Variants in LYRM4 observed in about 807,000 individuals in gnomAD.
LYRM4 encodes the protein LYR motif containing 4.
Under a neutral mutation model 11.7 loss-of-function variants are expected in LYRM4, and 9 were observed. That is an observed-to-expected ratio of 0.77 (90% CI 0.46 to 1.34). The LOEUF is 1.34. Ranked by LOEUF, LYRM4 falls within the 40% of genes most tolerant of loss-of-function variation. LYRM4 has a pLI of 0.00. For missense variants in LYRM4, 133 were observed against 112.5 expected, an observed-to-expected ratio of 1.18 and a Z score of -0.82; for synonymous variants, 42 against 40.4, an observed-to-expected ratio of 1.04 and a Z score of -0.15.
intron 2 of LYRM4, among the ~76,000 whole-genome samples, chr6:5,190,417 G>A (rs1033251540): frequency 4.6e-5 from 7 of 152,142 alleles, no homozygotes; most frequent in African/African-American, 1.4e-4. Context: ...TAGTAACACC[G>A]TATCTGTTCT....
At chr6:5,236,211 TC>T (rs1763528564) in intron 1 of LYRM4, 1 of 152,220 alleles carries the variant, frequency 6.6e-6, no homozygotes, top group Admixed American at 6.5e-5. Flanking sequence ...ATGCCTGTAA[TC>T]CCAGCACCTT....
chr6:5,227,983 C>T (rs1581553358), intron 1 of LYRM4, among the ~76,000 whole-genome samples: 2 of 151,926 alleles, frequency 1.3e-5, no homozygotes, highest in Non-Finnish European at 2.9e-5. Context: ...GGACCTGTTG[C>T]GGGGTGGGGG....
intron 1 of LYRM4, among the ~76,000 whole-genome samples, chr6:5,243,927 A>T (rs886930817): frequency 6.6e-6 from 1 of 152,248 alleles, no homozygotes; most frequent in African/African-American, 2.4e-5. Context: ...ATAATCTGAG[A>T]TGTCTCAATA....
chr6:5,255,500 C>CT (rs68013961), intron 1 of LYRM4, among the ~76,000 whole-genome samples: 3 of 151,248 alleles, frequency 2.0e-5, no homozygotes, highest in South Asian at 4.2e-4. Context: ...TTTTTAAAAG[C>CT]TTTTTTTTTC....
the LYRM4 span, among the ~76,000 whole-genome samples, chr6:5,060,623 G>T: frequency 3.3e-5 from 5 of 152,024 alleles, no homozygotes; most frequent in African/African-American, 1.2e-4. Context: ...TGCCTCTCGG[G>T]TTCAAGTTAT....
intron 1 of LYRM4, among the ~76,000 whole-genome samples, chr6:5,225,435 G>A (rs34786113): frequency 3.3e-5 from 5 of 151,884 alleles, no homozygotes; most frequent in African/African-American, 4.8e-5. Flanking sequence ...AAATCTCTAC[G>A]TGTACATTTT....
the LYRM4 span, among the ~76,000 whole-genome samples, chr6:5,094,476 C>A: frequency 6.6e-6 from 1 of 152,112 alleles, no homozygotes; most frequent in Non-Finnish European, 1.5e-5. Context: ...AGAGTGAGAT[C>A]CTATTTCTTA....
intron 1 of LYRM4, among the ~76,000 whole-genome samples, chr6:5,244,152 T>C (rs1232490335): frequency 6.6e-6 from 1 of 152,242 alleles, no homozygotes; most frequent in Non-Finnish European, 1.5e-5. Context: ...ACAACCACTG[T>C]GTTTCCACTT....
chr6:5,181,342 T>A (rs563388862), intron 2 of LYRM4, among the ~76,000 whole-genome samples: 13 of 152,212 alleles, frequency 8.5e-5, no homozygotes, highest in African/African-American at 2.4e-4. Context: ...TTTCCCCTCA[T>A]TGCCCTGGGA....
chr6:5,239,850 T>A (rs1763770298), intron 1 of LYRM4, among the ~76,000 whole-genome samples: 1 of 151,944 alleles, frequency 6.6e-6, no homozygotes, highest in East Asian at 1.9e-4. Context: ...TCTATGAGGG[T>A]CCCTGAGCAT....
the LYRM4 span, among the ~76,000 whole-genome samples, chr6:5,076,895 C>T: frequency 6.6e-6 from 1 of 152,216 alleles, no homozygotes; most frequent in Non-Finnish European, 1.5e-5. Flanking sequence ...ATGGCCTCAC[C>T]TCTGACAGTA....
intron 2 of LYRM4, among the ~76,000 whole-genome samples, chr6:5,119,972 G>A (rs147903597): frequency 1.5e-4 from 22 of 150,536 alleles, no homozygotes; most frequent in Non-Finnish European, 2.8e-4. Context: ...TCGGCTCACT[G>A]CAACCTCTGC....
intron 1 of LYRM4, among the ~76,000 whole-genome samples, chr6:5,220,242 C>T (rs1387927559): frequency 6.6e-6 from 1 of 152,214 alleles, no homozygotes; most frequent in Non-Finnish European, 1.5e-5. Context: ...CTGCTTTACT[C>T]TGTCCCCTCC....
chr6:5,097,253 C>G, the LYRM4 span, among the ~76,000 whole-genome samples: 1 of 152,242 alleles, frequency 6.6e-6, no homozygotes, highest in Admixed American at 6.5e-5. Flanking sequence ...AGCCAACAGT[C>G]TAATATATCT....
the LYRM4 span, chr6:5,085,010 G>C: frequency 1.9e-5 from 3 of 162,094 alleles, no homozygotes; most frequent in East Asian, 5.6e-4. Flanking sequence ...TTGTGCACGT[G>C]GGGGTCTCTG....
At chr6:5,195,621 G>A (rs1761007365) in intron 2 of LYRM4, among the ~76,000 whole-genome samples, 1 of 152,162 alleles carries the variant, frequency 6.6e-6, no homozygotes. Context: ...GTGACAAAGT[G>A]AGAGACCCTG....
chr6:5,240,712 A>G (rs955584438), intron 1 of LYRM4: 1 of 152,268 alleles, frequency 6.6e-6, no homozygotes, highest in Non-Finnish European at 1.5e-5. Flanking sequence ...TGGCCAGGGA[A>G]AGAAAGGACT....
chr6:5,144,133 C>T, intron 2 of LYRM4: 2 of 1,536,264 alleles, frequency 1.3e-6, no homozygotes, highest in African/African-American at 2.7e-5. Flanking sequence ...AGTCAGAATG[C>T]TCACCAGCTC....
At chr6:5,236,539 T>A (rs1763556713) in intron 1 of LYRM4, 1 of 152,120 alleles carries the variant, frequency 6.6e-6, no homozygotes. Context: ...ACATGTTAAG[T>A]GGCTCCTAAC....
Sources: allele counts gnomAD v4.1 joint callset (sites outside exome capture counted in the v4.1 genomes callset), GRCh38; gene constraint gnomAD v4.1.1; transcripts MANE v1.5; gene names NCBI Gene and HGNC (gene_info 2026-07-23, HGNC 2026-07-21).